PVT1: variants seen among roughly 807,000 people sequenced by gnomAD.
The protein encoded by PVT1 is CXCR4/PVT1 fusion.
chr8:127,861,433 A>AGTTTTG (rs1815226888), intron 2 of PVT1, among the ~76,000 whole-genome samples: 1 of 152,066 alleles, frequency 6.6e-6, no homozygotes, highest in Non-Finnish European at 1.5e-5. Flanking sequence ...ACATGGCAAA[A>AGTTTTG]CCCTGCCTCT....
At chr8:127,950,189 G>A (rs922375648) in intron 3 of PVT1, among the ~76,000 whole-genome samples, 1 of 152,244 alleles carries the variant, frequency 6.6e-6, no homozygotes, top group Non-Finnish European at 1.5e-5. Context: ...ATGCAGGCTT[G>A]ACAGTGGGAA....
At chr8:127,986,558 C>T (rs996699262) in intron 3 of PVT1, among the ~76,000 whole-genome samples, 14 of 152,224 alleles carry the variant, frequency 9.2e-5, no homozygotes, top group African/African-American at 3.4e-4. Flanking sequence ...GATCTAGCAC[C>T]TCCCATCAGA....
At chr8:128,010,155 C>T (rs1438302156) in intron 4 of PVT1, 1 of 152,118 alleles carries the variant, frequency 6.6e-6, no homozygotes, top group Non-Finnish European at 1.5e-5. Flanking sequence ...TTAGATTCTC[C>T]ATGGCAGTAG....
chr8:127,932,708 TTA>T (rs1172674500), intron 3 of PVT1: 2 of 388,038 alleles, frequency 5.2e-6, no homozygotes, highest in Non-Finnish European at 9.1e-6. Context: ...ATAATACACG[TTA>T]TATTTCTATC....
intron 3 of PVT1, among the ~76,000 whole-genome samples, chr8:127,916,920 T>C: frequency 6.6e-6 from 1 of 152,206 alleles, no homozygotes; most frequent in East Asian, 1.9e-4. Flanking sequence ...TCGGTTCTGA[T>C]AGCAGGATGG....
At chr8:127,822,629 A>C (rs376636830) in intron 2 of PVT1, among the ~76,000 whole-genome samples, 1 of 152,302 alleles carries the variant, frequency 6.6e-6, no homozygotes, top group East Asian at 1.9e-4. Flanking sequence ...TAGAGGGGTA[A>C]GTCCATCGGG....
At chr8:128,036,950 C>T (rs1813470301) in intron 4 of PVT1, among the ~76,000 whole-genome samples, 1 of 152,204 alleles carries the variant, frequency 6.6e-6, no homozygotes, top group Non-Finnish European at 1.5e-5. Flanking sequence ...CCTCCAGGCC[C>T]ACCATGGGTT....
rs1563613029 is a variant in PVT1, at chr8:127,817,032, CAG to C, written n.372+20962_372+20963del. Among the ~76,000 whole-genome samples, 9 of 146,924 alleles carry C rather than the reference CAG, an allele frequency of 6.1e-5. No homozygotes were observed. The South Asian group carries it at 1.9e-3, about 31-fold the overall frequency. On this transcript the variant is annotated intron_variant and non_coding_transcript_variant, in intron 2 of 10. Coordinates refer to ENST00000651587, the Ensembl canonical transcript of PVT1. ...TCCCCCCACCCCCTCCCGATACAAA[CAG>C]TGCTGCTGTGGACATTTCATACATC...
In PVT1 at chr8:127,840,431, C is replaced by T. The variant is rs528031428; in HGVS notation, n.372+44360C>T. Among the ~76,000 whole-genome samples the T allele has an allele frequency of 7.9e-4, 120 of 152,330 alleles. 6 individuals are homozygous for T. The South Asian group carries it at 0.023, about 30-fold the overall frequency. On this transcript the variant is annotated intron_variant and non_coding_transcript_variant, in intron 2 of 10. Coordinates refer to ENST00000651587, the Ensembl canonical transcript of PVT1. Reference sequence around the variant, plus strand: ...TGTCTCAAAAGAGGATATTCTGGAACGTTTGATAATCAGAGCCCATTGTAA... The same window carrying T: ...TGTCTCAAAAGAGGATATTCTGGAATGTTTGATAATCAGAGCCCATTGTAA...
Position 127,972,780 on chromosome 8 carries a change from G to T in PVT1, n.783-16382G>T, listed in dbSNP as rs559692329. On this transcript the variant is annotated intron_variant and non_coding_transcript_variant, in intron 3 of 10. Coordinates refer to ENST00000651587, the Ensembl canonical transcript of PVT1. ...AATAAATAGAAATAGCTTTGCCAGG[G>T]TTCCGCTCCCAGAGAAGCTGATGAC... Among the ~76,000 whole-genome samples, 10 of 152,174 alleles carry T rather than the reference G, an allele frequency of 6.6e-5. No homozygotes were observed. The South Asian group carries it at 2.1e-3, about 32-fold the overall frequency.
intron 2 of PVT1, among the ~76,000 whole-genome samples, chr8:127,817,193 A>T (rs1358465991): frequency 1.3e-5 from 2 of 151,818 alleles, no homozygotes; most frequent in Non-Finnish European, 2.9e-5. Context: ...CAATCATCTC[A>T]AAAGAAATGC....
intron 2 of PVT1, among the ~76,000 whole-genome samples, chr8:127,808,172 C>T (rs1814548590): frequency 6.6e-6 from 1 of 152,058 alleles, no homozygotes; most frequent in Non-Finnish European, 1.5e-5. Context: ...CTCAGCCTCC[C>T]GAGTATTTGG....
intron 2 of PVT1, among the ~76,000 whole-genome samples, chr8:127,847,181 T>G (rs1242251119): frequency 1.3e-5 from 2 of 151,776 alleles, no homozygotes; most frequent in Non-Finnish European, 2.9e-5. Context: ...TTTTGTACTT[T>G]TAGTAGAGAC....
At chr8:127,853,636 T>G (rs1350561704) in intron 2 of PVT1, among the ~76,000 whole-genome samples, 1 of 151,302 alleles carries the variant, frequency 6.6e-6, no homozygotes, top group Non-Finnish European at 1.5e-5. Context: ...CAAAAATCAG[T>G]TGGGTGTGGT....
chr8:127,990,551 T>A (rs1413554970), intron 4 of PVT1, among the ~76,000 whole-genome samples: 1 of 152,166 alleles, frequency 6.6e-6, no homozygotes, highest in Non-Finnish European at 1.5e-5. Flanking sequence ...CTGACATGAT[T>A]CCTATCATGA....
intron 2 of PVT1, among the ~76,000 whole-genome samples, chr8:127,805,276 T>C (rs1366290258): frequency 6.6e-6 from 1 of 152,182 alleles, no homozygotes; most frequent in Non-Finnish European, 1.5e-5. Context: ...AGTGACTGTT[T>C]CGTTGCTTAC....
At chr8:127,860,531 A>G (rs762196021) in intron 2 of PVT1, among the ~76,000 whole-genome samples, 1 of 151,938 alleles carries the variant, frequency 6.6e-6, no homozygotes, top group Non-Finnish European at 1.5e-5. Context: ...TCGGGAGGCC[A>G]AGGTGGGCGG....
chr8:127,915,029 T>A (rs189607288), intron 3 of PVT1, among the ~76,000 whole-genome samples: 14 of 152,144 alleles, frequency 9.2e-5, no homozygotes, highest in Admixed American at 9.2e-4. Flanking sequence ...TTCACCATGT[T>A]GGCCAGGCTG....
chr8:128,010,894 T>C (rs1039292880), intron 4 of PVT1, among the ~76,000 whole-genome samples: 1 of 152,206 alleles, frequency 6.6e-6, no homozygotes, highest in Non-Finnish European at 1.5e-5. Context: ...ATTGCTGCTG[T>C]GATTTCTGCA....
Sources: allele counts gnomAD v4.1 joint callset (sites outside exome capture counted in the v4.1 genomes callset), GRCh38; gene constraint gnomAD v4.1.1; transcripts MANE v1.5; gene names NCBI Gene and HGNC (gene_info 2026-07-23, HGNC 2026-07-21).